Variants in AUTS2 observed in about 807,000 individuals in gnomAD.
AUTS2 encodes the protein activator of transcription and developmental regulator AUTS2.
AUTS2 carries 17 observed loss-of-function variants against 112.4 expected under a neutral mutation model. The ratio of observed to expected loss-of-function variants is 0.15; its 90% confidence interval spans 0.10 to 0.23. The LOEUF (loss-of-function observed/expected upper bound fraction) is 0.23. AUTS2 is among the 10% of genes least tolerant of loss of function. The pLI is 1.00. For missense variants in AUTS2, 1,510 were observed against 1,701.6 expected (o/e 0.89, Z 1.98); for synonymous variants, 751 against 702.7 (o/e 1.07, Z -1.09).
intron 4 of AUTS2, among the ~76,000 whole-genome samples, chr7:70,181,037 TG>T (rs1809269743): frequency 6.6e-6 from 1 of 152,242 alleles, no homozygotes; most frequent in Non-Finnish European, 1.5e-5. Flanking sequence ...ATATATAGTA[TG>T]CTTATATTTT....
chr7:70,580,093 A>G (rs1399987921), intron 5 of AUTS2, among the ~76,000 whole-genome samples: 1 of 151,676 alleles, frequency 6.6e-6, no homozygotes, highest in Non-Finnish European at 1.5e-5. Flanking sequence ...CGTAACCAGC[A>G]CTGACTCGGT....
chr7:70,094,510 C>A (rs1804087228), intron 2 of AUTS2, among the ~76,000 whole-genome samples: 1 of 152,194 alleles, frequency 6.6e-6, no homozygotes, highest in African/African-American at 2.4e-5. Flanking sequence ...TTTTCTTCTC[C>A]CTTTTCACTC....
At chr7:70,239,159 C>A (rs893452329) in intron 4 of AUTS2, among the ~76,000 whole-genome samples, 1 of 152,108 alleles carries the variant, frequency 6.6e-6, no homozygotes, top group African/African-American at 2.4e-5. Flanking sequence ...ATTTTATGAA[C>A]TACAAAATTT....
At chr7:69,756,059 C>T (rs926040779) in intron 1 of AUTS2, among the ~76,000 whole-genome samples, 3 of 152,220 alleles carry the variant, frequency 2.0e-5, no homozygotes, top group South Asian at 4.1e-4. Context: ...ACAAGTAACA[C>T]TGGCATTGTG....
intron 4 of AUTS2, among the ~76,000 whole-genome samples, chr7:70,262,437 C>T (rs1034948222): frequency 1.3e-5 from 2 of 152,062 alleles, no homozygotes; most frequent in Non-Finnish European, 2.9e-5. Context: ...TGATCCACCC[C>T]CCTCCGCCTT....
chr7:69,955,630 A>G (rs1442570669), intron 2 of AUTS2, among the ~76,000 whole-genome samples: 22 of 152,156 alleles, frequency 1.4e-4, no homozygotes, highest in Admixed American at 1.4e-3. Context: ...CATGCAGTTT[A>G]TATAGCATTT....
chr7:69,721,905 C>A (rs1237679889), intron 1 of AUTS2, among the ~76,000 whole-genome samples: 2 of 152,014 alleles, frequency 1.3e-5, no homozygotes, highest in East Asian at 3.9e-4. Flanking sequence ...GAAAGCATGA[C>A]AAAGGGGCCT....
intron 3 of AUTS2, among the ~76,000 whole-genome samples, chr7:70,130,117 T>C (rs981742393): frequency 1.1e-4 from 16 of 152,044 alleles, no homozygotes; most frequent in African/African-American, 3.9e-4. Flanking sequence ...AAGCATAACA[T>C]GAAGGTGGGT....
intron 1 of AUTS2, among the ~76,000 whole-genome samples, chr7:69,742,135 G>C (rs1159217179): frequency 6.7e-6 from 1 of 149,336 alleles, no homozygotes; most frequent in African/African-American, 2.5e-5. Flanking sequence ...TTTTTTGAGG[G>C]GGGAGGGCAG....
intron 9 of AUTS2, among the ~76,000 whole-genome samples, chr7:70,767,326 AGCAATGAG>A (rs1234250852): frequency 1.3e-5 from 2 of 152,228 alleles, no homozygotes; most frequent in East Asian, 3.8e-4. Flanking sequence ...AAGGAATATT[AGCAATGAG>A]GCCTTGTGAC....
intron 2 of AUTS2, among the ~76,000 whole-genome samples, chr7:69,972,154 G>T (rs1353102241): frequency 6.6e-6 from 1 of 152,154 alleles, no homozygotes; most frequent in Non-Finnish European, 1.5e-5. Context: ...TGTACTGATG[G>T]TGTCCAGTGA....
chr7:69,997,618 G>A (rs1243300572), intron 2 of AUTS2, among the ~76,000 whole-genome samples: 4 of 152,134 alleles, frequency 2.6e-5, no homozygotes, highest in Middle Eastern at 3.2e-3. Flanking sequence ...ATGGCAGAAG[G>A]GAAGGGGGAT....
chr7:70,622,035 A>C (rs1804706249), intron 5 of AUTS2, among the ~76,000 whole-genome samples: 1 of 150,496 alleles, frequency 6.6e-6, no homozygotes, highest in African/African-American at 2.4e-5. Flanking sequence ...TTTAGTAGAG[A>C]CCCTGTTGGG....
At chr7:70,196,052 T>C (rs1810156678) in intron 4 of AUTS2, among the ~76,000 whole-genome samples, 1 of 152,236 alleles carries the variant, frequency 6.6e-6, no homozygotes. Flanking sequence ...AGCAGGAATT[T>C]ATACTTTGTC....
chr7:70,390,014 T>C (rs952590213), intron 4 of AUTS2, among the ~76,000 whole-genome samples: 3 of 152,232 alleles, frequency 2.0e-5, no homozygotes, highest in Admixed American at 2.0e-4. Flanking sequence ...ACCTTATCTT[T>C]CTCAGAAGAG....
At chr7:69,764,560 TAA>T (rs34304208) in intron 1 of AUTS2, among the ~76,000 whole-genome samples, 1 of 143,698 alleles carries the variant, frequency 7.0e-6, no homozygotes. Flanking sequence ...AGTACTGATG[TAA>T]AAAAAAAAAG....
At position 70,763,191 on chromosome 7, in the gene AUTS2, A is replaced by C; in HGVS notation, c.1064A>C (p.Gln355Pro). The C allele has an allele frequency of 2.5e-6, 4 of 1,614,008 alleles. No individual in the cohort carries two copies. Among genetic ancestry groups the C allele is most frequent in the Non-Finnish European group, 3.4e-6 (4 of 1,179,950 alleles). Residue 355 changes from glutamine (Q) to proline (P), a missense_variant, in exon 7 of 19, where the codon CAG (glutamine) becomes CCG (proline). By Grantham distance (76) the Gln-to-Pro change is moderately conservative. Coordinates refer to ENST00000342771, the MANE Select transcript of AUTS2 (RefSeq NM_015570.4). ...GAGGCCCAGCTCCAGCCTGCCCCGC[A>C]GCCTCAGGTGCAGAGGCCACCCAGG... ...PPEAQLQPAPQPQVQRPPRPQ... is the reference protein window; with the variant it reads ...PPEAQLQPAPPPQVQRPPRPQ...
chr7:70,416,959 T>G (rs1375355519), intron 4 of AUTS2, among the ~76,000 whole-genome samples: 1 of 152,132 alleles, frequency 6.6e-6, no homozygotes, highest in Non-Finnish European at 1.5e-5. Context: ...ACAGGGATGA[T>G]TTGAAACAAG....
At chr7:70,271,136 T>C (rs6945241) in intron 4 of AUTS2, among the ~76,000 whole-genome samples, 35,165 of 152,056 alleles carry the variant, frequency 0.23, 4,116 homozygotes, top group Middle Eastern at 0.33. Flanking sequence ...CTTACAGCAG[T>C]TAAGCATGAG....
Sources: gnomAD v4.1 joint callset for allele counts (sites outside exome capture counted in the v4.1 genomes callset) on GRCh38, gnomAD v4.1.1 for gene constraint, MANE v1.5 for transcripts, NCBI Gene and HGNC (gene_info 2026-07-23, HGNC 2026-07-21) for gene names.